The following CADPS variants were observed in gnomAD, a reference collection of about 807,000 sequenced individuals.
The protein encoded by CADPS is calcium dependent secretion activator.
Under a neutral mutation model 167.3 loss-of-function variants are expected in CADPS, and 57 were observed. The ratio of observed to expected loss-of-function variants is 0.34; its 90% CI spans 0.28 to 0.42. The LOEUF (loss-of-function observed/expected upper bound fraction) is 0.42. Among genes scored for constraint, CADPS ranks in the 20% least tolerant of loss-of-function variants. The pLI is 1.00. For missense variants in CADPS, 1,414 were observed against 1,738.1 expected, an observed-to-expected ratio of 0.81 and a Z score of 3.32; for synonymous variants, 676 against 635.3, an observed-to-expected ratio of 1.06 and a Z score of -0.96.
chr3:62,817,527 TTC>T (rs1167452832), intron 1 of CADPS, among the ~76,000 whole-genome samples: 5 of 152,204 alleles, frequency 3.3e-5, no homozygotes, highest in Admixed American at 1.3e-4. Flanking sequence ...GATTCTTTAA[TTC>T]TCTGATTTTT....
intron 17 of CADPS, among the ~76,000 whole-genome samples, chr3:62,506,217 G>A (rs1478258042): frequency 2.0e-5 from 3 of 151,916 alleles, no homozygotes; most frequent in Admixed American, 6.6e-5. Flanking sequence ...GTGAAACCTC[G>A]TCTCTATTAA....
chr3:62,431,873 T>G (rs1009687929), intron 28 of CADPS, among the ~76,000 whole-genome samples: 48 of 150,790 alleles, frequency 3.2e-4, no homozygotes, highest in Non-Finnish European at 5.9e-4. Context: ...TATATATATA[T>G]AATTATATAG....
At chr3:62,522,675 A>G (rs960925672) in intron 13 of CADPS, among the ~76,000 whole-genome samples, 6 of 152,126 alleles carry the variant, frequency 3.9e-5, no homozygotes, top group Non-Finnish European at 8.8e-5. Context: ...TTCCTTCACA[A>G]CGTTCCAAAT....
chr3:62,577,196 C>A (rs912121104), intron 8 of CADPS, among the ~76,000 whole-genome samples: 2 of 152,070 alleles, frequency 1.3e-5, no homozygotes, highest in East Asian at 1.9e-4. Context: ...ATGCTTGTAA[C>A]TTTTCATTTG....
At chr3:62,423,464 T>C (rs1281501224) in intron 28 of CADPS, among the ~76,000 whole-genome samples, 1 of 152,194 alleles carries the variant, frequency 6.6e-6, no homozygotes, top group Non-Finnish European at 1.5e-5. Context: ...GTGGATGAAT[T>C]TGGGACACAT....
intron 26 of CADPS, among the ~76,000 whole-genome samples, chr3:62,452,194 CA>C (rs1470818701): frequency 6.6e-6 from 1 of 152,158 alleles, no homozygotes; most frequent in Non-Finnish European, 1.5e-5. Context: ...ATGATCAGTT[CA>C]AAAGGCATAG....
intron 1 of CADPS, among the ~76,000 whole-genome samples, chr3:62,777,227 G>C (rs984982013): frequency 6.6e-6 from 1 of 152,134 alleles, no homozygotes; most frequent in South Asian, 2.1e-4. Flanking sequence ...GAAAATATCT[G>C]AATGCAGTCT....
At chr3:62,701,187 GA>G (rs2151543057) in intron 3 of CADPS, among the ~76,000 whole-genome samples, 1 of 152,172 alleles carries the variant, frequency 6.6e-6, no homozygotes, top group South Asian at 2.1e-4. Context: ...GTCTAAAACA[GA>G]AACCCTTAGT....
chr3:62,839,241 T>G (rs1023090352), intron 1 of CADPS, among the ~76,000 whole-genome samples: 1 of 152,084 alleles, frequency 6.6e-6, no homozygotes, highest in South Asian at 2.1e-4. Context: ...GTCACCCAGG[T>G]TGGAGTGCAG....
At chr3:62,841,397 C>T (rs2098153303) in intron 1 of CADPS, among the ~76,000 whole-genome samples, 1 of 152,114 alleles carries the variant, frequency 6.6e-6, no homozygotes, top group African/African-American at 2.4e-5. Context: ...CTTATTTTGG[C>T]ACTTGAGTCT....
chr3:62,793,693 A>G (rs2093146677), intron 1 of CADPS, among the ~76,000 whole-genome samples: 1 of 152,186 alleles, frequency 6.6e-6, no homozygotes, highest in African/African-American at 2.4e-5. Context: ...AGATTCATGG[A>G]CTTTCACATA....
chr3:62,487,758 T>C (rs1418582784), intron 21 of CADPS, among the ~76,000 whole-genome samples: 1 of 152,176 alleles, frequency 6.6e-6, no homozygotes. Context: ...TCATCTTAAA[T>C]AACCTTAATT....
intron 6 of CADPS, among the ~76,000 whole-genome samples, chr3:62,609,864 T>G (rs1004951971): frequency 4.6e-5 from 7 of 152,012 alleles, no homozygotes; most frequent in Non-Finnish European, 7.4e-5. Flanking sequence ...CTGAGGCAGG[T>G]GGATCCCTTG....
chr3:62,449,189 G>A (rs1311668847), intron 26 of CADPS, among the ~76,000 whole-genome samples: 1 of 152,186 alleles, frequency 6.6e-6, no homozygotes, highest in Non-Finnish European at 1.5e-5. Context: ...GCCAGGAACT[G>A]GCCATTTCTG....
At chr3:62,424,968 A>G (rs1387543122) in intron 28 of CADPS, among the ~76,000 whole-genome samples, 1 of 152,192 alleles carries the variant, frequency 6.6e-6, no homozygotes, top group Non-Finnish European at 1.5e-5. Flanking sequence ...TAGGTAGACA[A>G]TAACAGTGCT....
chr3:62,577,143 T>G (rs537758600), intron 8 of CADPS, among the ~76,000 whole-genome samples: 3 of 152,166 alleles, frequency 2.0e-5, no homozygotes, highest in Non-Finnish European at 4.4e-5. Context: ...GGCCTCAGTG[T>G]CCCTCTGCTC....
chr3:62,712,250 T>A (rs777834467), intron 3 of CADPS, among the ~76,000 whole-genome samples: 16 of 152,222 alleles, frequency 1.1e-4, no homozygotes, highest in South Asian at 1.0e-3. Flanking sequence ...TGGTATTTTT[T>A]AATTTAATTT....
intron 21 of CADPS, among the ~76,000 whole-genome samples, chr3:62,483,910 G>T (rs2062406973): frequency 6.6e-6 from 1 of 152,112 alleles, no homozygotes; most frequent in African/African-American, 2.4e-5. Context: ...TGGCAGCCCG[G>T]AAAGTTAAAA....
chr3:62,456,775 A>AG (rs1239967928), intron 26 of CADPS, among the ~76,000 whole-genome samples: 1 of 151,922 alleles, frequency 6.6e-6, no homozygotes, highest in East Asian at 1.9e-4. Context: ...AAAAAAAAAA[A>AG]AAAACCCAAT....
Sources: allele counts gnomAD v4.1 joint callset (sites outside exome capture counted in the v4.1 genomes callset), GRCh38; gene constraint gnomAD v4.1.1; transcripts MANE v1.5; gene names NCBI Gene and HGNC (gene_info 2026-07-23, HGNC 2026-07-21).